PPP1R1C: variants seen among roughly 807,000 people sequenced by gnomAD.
PPP1R1C encodes the protein protein phosphatase 1 regulatory inhibitor subunit 1C, also known as protein phosphatase 1 regulatory subunit 1C.
In PPP1R1C, 15 loss-of-function variants were observed where a neutral mutation model predicts 17.4. The observed-to-expected ratio is 0.86, with a 90% CI of 0.58 to 1.33. PPP1R1C has a LOEUF of 1.33. Ranked by LOEUF, PPP1R1C falls within the 40% of genes most tolerant of loss-of-function variation. The pLI is 0.00. For synonymous variants in PPP1R1C, 35 were observed against 43.1 expected (o/e 0.81, Z 0.73); for missense variants, 143 against 130.0 (o/e 1.10, Z -0.48).
At chr2:182,078,679 C>G (rs765943108) in intron 4 of PPP1R1C, among the ~76,000 whole-genome samples, 24 of 152,206 alleles carry the variant, frequency 1.6e-4, no homozygotes, top group Admixed American at 5.2e-4. Flanking sequence ...CCAGCTCTGA[C>G]AATTCAAATC....
intron 2 of PPP1R1C, among the ~76,000 whole-genome samples, chr2:181,978,568 C>T (rs1263243502): frequency 6.6e-6 from 1 of 152,132 alleles, no homozygotes; most frequent in Non-Finnish European, 1.5e-5. Flanking sequence ...CAGGTGGTCT[C>T]CATGTGGCTT....
In PPP1R1C at chr2:181,976,195, A is replaced by T. The variant is rs1685089238; in HGVS notation, n.157+931A>T. Among the ~76,000 whole-genome samples the T allele has an allele frequency of 6.6e-6, 1 of 152,096 alleles. No individual in the cohort carries two copies. Among genetic ancestry groups the T allele is most frequent in the African/African-American group, 2.4e-5 (1 of 41,434 alleles). On this transcript the variant is annotated intron_variant and non_coding_transcript_variant, in intron 2 of 5. Coordinates refer to the PPP1R1C transcript ENST00000464264. This position sits in a 1 kb window ranked among gnomAD's most constrained non-coding sequence, Gnocchi z 4.8. ...AACATTTTTCACACATCACACACAA[A>T]AGTATAAGTAAGCGTGTATGTATAT...
At chr2:182,100,579 T>C (rs1301035691) in intron 4 of PPP1R1C, among the ~76,000 whole-genome samples, 1 of 151,430 alleles carries the variant, frequency 6.6e-6, no homozygotes, top group South Asian at 2.1e-4. Context: ...TCAAGTACAA[T>C]TGGCTTAGGC....
chr2:181,990,829 A>G (rs978503959), intron 2 of PPP1R1C, among the ~76,000 whole-genome samples: 1 of 152,194 alleles, frequency 6.6e-6, no homozygotes, highest in Admixed American at 6.5e-5. Context: ...CAAAAGCAAT[A>G]TGTTGTTTGA....
At chr2:182,111,402 A>G (rs1038319886) in intron 4 of PPP1R1C, among the ~76,000 whole-genome samples, 2 of 152,188 alleles carry the variant, frequency 1.3e-5, no homozygotes, top group African/African-American at 4.8e-5. Context: ...TTGGCTAGTC[A>G]TTATATTAGA....
chr2:182,018,786 G>C (rs1169336090), intron 2 of PPP1R1C, among the ~76,000 whole-genome samples: 2 of 152,088 alleles, frequency 1.3e-5, no homozygotes, highest in African/African-American at 4.8e-5. Flanking sequence ...ACTGGGGGAT[G>C]GGAAAGCAAT....
At chr2:182,067,039 G>A (rs989094990) in intron 4 of PPP1R1C, among the ~76,000 whole-genome samples, 12 of 151,848 alleles carry the variant, frequency 7.9e-5, no homozygotes, top group Non-Finnish European at 1.5e-5. Flanking sequence ...AGCAAAGTAA[G>A]TGCTATTGAT....
intron 1 of PPP1R1C, among the ~76,000 whole-genome samples, chr2:181,954,916 T>C (rs1448808584): frequency 6.6e-6 from 1 of 152,186 alleles, no homozygotes; most frequent in Non-Finnish European, 1.5e-5. Flanking sequence ...GGTTCCATGT[T>C]TCGAAATGGC....
At chr2:182,021,321 CTTTTTTT>C (rs71008205) in intron 2 of PPP1R1C, among the ~76,000 whole-genome samples, 16 of 89,646 alleles carry the variant, frequency 1.8e-4, no homozygotes, top group South Asian at 8.2e-4. Context: ...CTCTCTCTCT[CTTTTTTT>C]TTTTTTTTTT....
At chr2:181,963,814 TA>T (rs1684853091) in intron 1 of PPP1R1C, among the ~76,000 whole-genome samples, 1 of 151,616 alleles carries the variant, frequency 6.6e-6, no homozygotes, top group African/African-American at 2.4e-5. Flanking sequence ...ATTTTAATTT[TA>T]AAAAAAATTT....
At position 181,986,159 on chromosome 2, in the gene PPP1R1C, C is replaced by G; in HGVS notation, c.49C>G (p.Gln17Glu). 6.2e-7 allele frequency: 1 copy of G among 1,613,744 alleles called. No individual in the cohort carries two copies. The highest frequency in any genetic ancestry group is 8.5e-7 in the Non-Finnish European group (1 of 1,179,684). Reference protein sequence around the residue: ...KKIQFAVPVFQSQIAPEAAEQ... With the variant: ...KKIQFAVPVFESQIAPEAAEQ... ...GATACAGTTTGCCGTGCCTGTATTC[C>G]AGAGTCAGATTGCACCTGAAGCAGC... The change falls in exon 1 of 5, where the codon CAG becomes GAG. Residue 17 changes from glutamine (Q) to glutamate (E), a missense_variant. Transcript: ENST00000682840.
chr2:182,033,260 A>G (rs531478017), intron 2 of PPP1R1C, among the ~76,000 whole-genome samples: 12 of 152,184 alleles, frequency 7.9e-5, no homozygotes, highest in Non-Finnish European at 1.3e-4. Flanking sequence ...TGTAATACCT[A>G]TTCTCCTCAT....
At chr2:182,100,970 T>G (rs1047077389) in intron 4 of PPP1R1C, among the ~76,000 whole-genome samples, 1 of 152,058 alleles carries the variant, frequency 6.6e-6, no homozygotes, top group Non-Finnish European at 1.5e-5. Flanking sequence ...AGAAGAGCGG[T>G]TCCTGAAAGA....
At chr2:181,999,734 G>T (rs1335732146) in intron 2 of PPP1R1C, among the ~76,000 whole-genome samples, 1 of 150,272 alleles carries the variant, frequency 6.7e-6, no homozygotes, top group Non-Finnish European at 1.5e-5. Context: ...TAAGAAGACT[G>T]CTTTAGCATT....
At chr2:182,032,275 G>A (rs532035001) in intron 2 of PPP1R1C, among the ~76,000 whole-genome samples, 12 of 152,258 alleles carry the variant, frequency 7.9e-5, no homozygotes, top group African/African-American at 2.4e-4. Context: ...GTTTCTAGAC[G>A]TGGTTAACTT....
At chr2:182,097,788 T>G (rs2125225641) in intron 4 of PPP1R1C, among the ~76,000 whole-genome samples, 1 of 152,344 alleles carries the variant, frequency 6.6e-6, no homozygotes, top group South Asian at 2.1e-4. Flanking sequence ...CTTCTCTTCC[T>G]GCTCTCTCAG....
upstream of PPP1R1C, among the ~76,000 whole-genome samples, chr2:181,981,412 A>C (rs1456667324): frequency 2.6e-5 from 4 of 152,198 alleles, no homozygotes; most frequent in East Asian, 7.7e-4. Context: ...ATAGCTGTAG[A>C]TCTGAAAAAA....
At chr2:181,972,548 C>G (rs755457927) in intron 1 of PPP1R1C, among the ~76,000 whole-genome samples, 14 of 151,482 alleles carry the variant, frequency 9.2e-5, no homozygotes, top group Non-Finnish European at 1.9e-4. Context: ...CAACAAAGCA[C>G]TTGGAGGACA....
At chr2:182,062,046 C>A (rs1488086128) in intron 3 of PPP1R1C, among the ~76,000 whole-genome samples, 11 of 151,922 alleles carry the variant, frequency 7.2e-5, no homozygotes, top group Admixed American at 6.6e-5. Context: ...CCAGGAGAGG[C>A]CAGGAGAGCA....
Sources: allele counts gnomAD v4.1 joint callset (sites outside exome capture counted in the v4.1 genomes callset), GRCh38; gene constraint gnomAD v4.1.1; non-coding constraint Gnocchi (gnomAD v3.1); transcripts MANE v1.5; gene names NCBI Gene and HGNC (gene_info 2026-07-23, HGNC 2026-07-21).